Variants in HIP1 observed in about 807,000 individuals in gnomAD.
The protein encoded by HIP1 is huntingtin-interacting protein 1.
In HIP1, 65 loss-of-function variants were observed where a neutral mutation model predicts 147.6. The ratio of observed to expected loss-of-function variants is 0.44; its 90% CI spans 0.36 to 0.54. The LOEUF (loss-of-function observed/expected upper bound fraction) is 0.54, where lower values mean the gene tolerates loss of function less well. Ranked by LOEUF, HIP1 falls within the 20% of genes least tolerant of loss-of-function variation. The pLI, the probability that HIP1 is intolerant of heterozygous loss-of-function variation, is 0.00. For synonymous variants in HIP1, 479 were observed against 504.0 expected (o/e 0.95, Z 0.67); for missense variants, 1,061 against 1,299.6 (o/e 0.82, Z 2.82).
chr7:75,616,945 G>A (rs1468613173), intron 1 of HIP1, among the ~76,000 whole-genome samples: 1 of 151,868 alleles, frequency 6.6e-6, no homozygotes, highest in South Asian at 2.1e-4. Flanking sequence ...TTGCTCTGTT[G>A]CCCAGGTTGG....
intron 1 of HIP1, among the ~76,000 whole-genome samples, chr7:75,617,215 C>T (rs951901125): frequency 1.3e-5 from 2 of 151,932 alleles, no homozygotes; most frequent in African/African-American, 2.4e-5. Context: ...GCTGCGATTA[C>T]AGGCACCCAC....
rs587631989 is a variant in HIP1 at position 75,619,515 on chromosome 7, C to CAAA, written c.121-20271_121-20269dup. Among the ~76,000 whole-genome samples, 99 of 109,706 alleles carry CAAA rather than the reference C, an allele frequency of 9.0e-4. 4 individuals carry two copies. Among genetic ancestry groups the CAAA allele is most frequent in the African/African-American group, 2.8e-3 (82 of 29,726 alleles). 72.0% of individuals were successfully genotyped at this position (109,706 alleles called of 152,430 possible). A position where few individuals can be genotyped will look rare whatever the true frequency, so the allele number is the denominator to read the frequency against. On this transcript the variant is annotated intron_variant, in intron 1 of 30. Coordinates refer to ENST00000336926, the MANE Select transcript of HIP1 (RefSeq NM_005338.7). ...TGGGCGACAGAGCAAGACTTTGTCT[C>CAAA]AAAAAAAAAAAAAAAAGAGAAGAAA...
intron 1 of HIP1, among the ~76,000 whole-genome samples, chr7:75,707,635 T>A (rs1801043937): frequency 6.6e-6 from 1 of 151,158 alleles, no homozygotes; most frequent in Admixed American, 6.6e-5. Context: ...AGAGCCCGCA[T>A]CGCCAAGTCA....
chr7:75,632,104 A>C lies in HIP1; in HGVS notation c.121-32857T>G, dbSNP rs1047456172. ...CTTCACAAGGCCGCTGTGAGGAAGA[A>C]AATAATCCAGGTGAGATTGTTCTGT... On this transcript the variant is annotated intron_variant, in intron 1 of 30. Coordinates refer to ENST00000336926, the MANE Select transcript of HIP1 (RefSeq NM_005338.7). 5.9e-5 allele frequency among the ~76,000 whole-genome samples: 9 copies of C among 152,308 alleles called. 1 individual carries two copies. Among genetic ancestry groups the C allele is most frequent in the Non-Finnish European group, 1.2e-4 (8 of 68,028 alleles).
chr7:75,621,942 T>A (rs587773976), intron 1 of HIP1, among the ~76,000 whole-genome samples: 1 of 152,200 alleles, frequency 6.6e-6, no homozygotes, highest in East Asian at 1.9e-4. Flanking sequence ...GGTATCCCAG[T>A]GGAGCTGTGG....
chr7:75,664,018 A>G (rs1457996615), intron 1 of HIP1, among the ~76,000 whole-genome samples: 1 of 26,784 alleles, frequency 3.7e-5, no homozygotes, highest in Non-Finnish European at 6.3e-5. Flanking sequence ...ATATATATAC[A>G]CATATATGTG....
chr7:75,558,253 TC>T lies in HIP1; in HGVS notation c.1377del (p.Ala461LeufsTer11). The T allele has an allele frequency of 3.1e-6, 5 of 1,613,876 alleles. No individual in the cohort carries two copies. Among genetic ancestry groups the T allele is most frequent in the Non-Finnish European group, 4.2e-6 (5 of 1,179,734 alleles). ...KAQRSLSEIE[R>X]KAQANEQRYS... ...TATCGCTGTTCATTGGCTTGAGCTT[TC>T]CCTGTATTGTAAAGGACCAAGGTGA... On this transcript the variant is annotated frameshift_variant and splice_region_variant, in exon 15 of 31. Coordinates refer to ENST00000336926, the MANE Select transcript of HIP1 (RefSeq NM_005338.7). LOFTEE classifies it high-confidence loss of function.
chr7:75,672,228 T>G (rs1563284414), intron 1 of HIP1, among the ~76,000 whole-genome samples: 1 of 152,162 alleles, frequency 6.6e-6, no homozygotes, highest in African/African-American at 2.4e-5. Context: ...TGTTATTGAG[T>G]TTTAGGAATT....
At chr7:75,725,665 A>G (rs782430329) in intron 1 of HIP1, among the ~76,000 whole-genome samples, 14 of 152,160 alleles carry the variant, frequency 9.2e-5, no homozygotes, top group Non-Finnish European at 1.9e-4. Flanking sequence ...GAATGTAACT[A>G]AAGTTTATTT....
chr7:75,559,737 A>G lies in HIP1; in HGVS notation c.1370T>C (p.Ile457Thr). 7.5e-6 allele frequency: 6 copies of G among 802,232 alleles called. No individual in the cohort carries two copies. The African/African-American group carries it at 7.7e-5, about 10-fold the overall frequency. 49.7% of individuals were successfully genotyped at this position (802,232 alleles called of 1,614,324 possible). A position where few individuals can be genotyped will look rare whatever the true frequency, so the allele number is the denominator to read the frequency against. The change falls in exon 14 of 31, where the codon ATA becomes ACA. Residue 457 changes from isoleucine (I) to threonine (T), a missense_variant. Ile to Thr is a moderately conservative substitution (Grantham distance 89). Coordinates refer to ENST00000336926, the MANE Select transcript of HIP1 (RefSeq NM_005338.7). ...TEKAQRSLSE[I>T]ERKAQANEQR... ...CGCCCCCACCCACCGCTCACTTTCT[A>G]TCTCAGACAGGCTCCGCTGAGCCTT... is the stretch of plus-strand genomic sequence containing the variant.
At chr7:75,665,714 T>C (rs2285868) in intron 1 of HIP1, among the ~76,000 whole-genome samples, 8,850 of 152,148 alleles carry the variant, frequency 0.058, 474 homozygotes, top group Admixed American at 0.17. Flanking sequence ...CTAATTTTTG[T>C]ATTTTCAGTA....
chr7:75,550,650 T>C (rs904655191), intron 22 of HIP1, among the ~76,000 whole-genome samples: 1 of 152,186 alleles, frequency 6.6e-6, no homozygotes, highest in Non-Finnish European at 1.5e-5. Flanking sequence ...TGGCCTCAAG[T>C]GATCCTCCCG....
Position 75,646,172 on chromosome 7 carries a change from C to T in HIP1, c.121-46925G>A, listed in dbSNP as rs528848485. On this transcript the variant is annotated intron_variant, in intron 1 of 30. Coordinates refer to ENST00000336926, the MANE Select transcript of HIP1 (RefSeq NM_005338.7). ...TCAGCTCACTGCAACCTCCACCTCCCGGGTTCAAACGATTCTCCCACCTCA... is the reference window on the plus strand; with the variant it reads ...TCAGCTCACTGCAACCTCCACCTCCTGGGTTCAAACGATTCTCCCACCTCA... Among the ~76,000 whole-genome samples, 552 of 152,246 alleles carry T rather than the reference C, an allele frequency of 3.6e-3. 2 individuals carry two copies. Among genetic ancestry groups the T allele is most frequent in the African/African-American group, 0.013 (523 of 41,560 alleles).
At chr7:75,589,466 C>T (rs1554500250) in intron 4 of HIP1, among the ~76,000 whole-genome samples, 1 of 151,802 alleles carries the variant, frequency 6.6e-6, no homozygotes, top group Non-Finnish European at 1.5e-5. Context: ...GGGAAGATCA[C>T]TTGAGGTCAG....
chr7:75,538,085 C>G lies in HIP1; in HGVS notation c.*87G>C. On this transcript the variant is annotated 3_prime_UTR_variant, in exon 31 of 31. Coordinates refer to ENST00000336926, the MANE Select transcript of HIP1 (RefSeq NM_005338.7). Reference sequence around the variant, plus strand: ...CAGTGGTGTGGCTGCCCCTGGGACTCCAAGGATTTGGCCTGTGGCTGGGGA... The same window carrying G: ...CAGTGGTGTGGCTGCCCCTGGGACTGCAAGGATTTGGCCTGTGGCTGGGGA... The G allele has an allele frequency of 8.9e-7, 1 of 1,122,320 alleles. No homozygotes were observed. Among genetic ancestry groups the G allele is most frequent in the South Asian group, 1.2e-5 (1 of 80,994 alleles). 69.5% of individuals were successfully genotyped at this position (1,122,320 alleles called of 1,614,324 possible).
At position 75,592,132 on chromosome 7, in the gene HIP1, G is replaced by C. The variant is rs1554500915; in HGVS notation, c.328-20C>G. 3 of 1,606,850 alleles carry C rather than the reference G, an allele frequency of 1.9e-6. No individual in the cohort carries two copies. The highest frequency in any genetic ancestry group is 1.1e-5 in the South Asian group (1 of 90,944). On this transcript the variant is annotated intron_variant, in intron 3 of 30. Transcript: ENST00000336926. ...CAGGACCTGCAGGGGCAAAAGAACA[G>C]CCTGTGAGAGAATGGAGAAGGAAAG...
At chr7:75,669,104 G>A (rs1799654109) in intron 1 of HIP1, among the ~76,000 whole-genome samples, 1 of 152,044 alleles carries the variant, frequency 6.6e-6, no homozygotes, top group Admixed American at 6.6e-5. Context: ...GGTGGCTCAC[G>A]CCTGTAATCC....
intron 1 of HIP1, among the ~76,000 whole-genome samples, chr7:75,658,122 C>G (rs1232204705): frequency 6.6e-6 from 1 of 152,172 alleles, no homozygotes; most frequent in African/African-American, 2.4e-5. Flanking sequence ...TAGACAGAAT[C>G]TTGCTCTGTC....
chr7:75,661,994 G>C (rs1469735337), intron 1 of HIP1, among the ~76,000 whole-genome samples: 1 of 151,478 alleles, frequency 6.6e-6, no homozygotes, highest in Non-Finnish European at 1.5e-5. Flanking sequence ...AGCGCAATGG[G>C]AGAGAGATGG....
Sources: allele counts gnomAD v4.1 joint callset (sites outside exome capture counted in the v4.1 genomes callset), GRCh38; gene constraint gnomAD v4.1.1; transcripts MANE v1.5; gene names NCBI Gene and HGNC (gene_info 2026-07-23, HGNC 2026-07-21).